Variants in PTPRD observed in about 807,000 individuals in gnomAD.
The protein encoded by PTPRD is protein tyrosine phosphatase receptor type D.
Under a neutral mutation model 214.5 loss-of-function variants are expected in PTPRD, and 34 were observed. That is an observed-to-expected ratio of 0.16 (90% CI 0.12 to 0.21). The LOEUF is 0.21. PTPRD is among the 10% of genes least tolerant of loss of function. PTPRD has a pLI of 1.00. For synonymous variants in PTPRD, 1,128 were observed against 845.7 expected (o/e 1.33, Z -5.79); for missense variants, 2,545 against 2,398.7 (o/e 1.06, Z -1.27).
At chr9:8,447,796 G>A (rs948261914) in intron 34 of PTPRD, among the ~76,000 whole-genome samples, 1 of 152,150 alleles carries the variant, frequency 6.6e-6, no homozygotes, top group Non-Finnish European at 1.5e-5. Context: ...GTTGGTTCCA[G>A]CACAAATGAC....
chr9:8,341,118 T>A lies in PTPRD; in HGVS notation c.5098A>T (p.Ile1700Phe). The A allele has an allele frequency of 6.2e-7, 1 of 1,611,794 alleles. No individual in the cohort carries two copies. Among genetic ancestry groups the A allele is most frequent in the Non-Finnish European group, 8.5e-7 (1 of 1,178,834 alleles). ...TATCCATCAATAAAACTGGCATTGATGTAATCAGATCCTTCTACTCCACGG... is the reference window on the plus strand; with the variant it reads ...TATCCATCAATAAAACTGGCATTGAAGTAATCAGATCCTTCTACTCCACGG... ...PIRGVEGSDY[I>F]NASFIDGYRQ... Residue 1700 changes from isoleucine to phenylalanine, a missense_variant, in exon 41 of 46, where the codon ATC becomes TTC. Ile to Phe is a conservative substitution (Grantham distance 21). Coordinates refer to ENST00000381196, the MANE Select transcript of PTPRD (RefSeq NM_002839.4).
In PTPRD at chr9:10,157,078, T is replaced by C. The variant is rs142635719; in HGVS notation, c.-544-123288A>G. Among the ~76,000 whole-genome samples, 14 of 152,332 alleles carry C rather than the reference T, an allele frequency of 9.2e-5. No individual in the cohort carries two copies. In the East Asian group the frequency reaches 2.5e-3, roughly 27 times the overall value. The stretch of plus-strand genomic sequence containing the variant: ...AGAATACCATTGCATCTTGGTTCTA[T>C]ACCCAGTTTGTCACTCTGTGCCTTT... On this transcript the variant is annotated intron_variant, in intron 3 of 45. Transcript: ENST00000381196.
intron 33 of PTPRD, among the ~76,000 whole-genome samples, chr9:8,458,570 T>C (rs1265212340): frequency 2.6e-5 from 4 of 152,098 alleles, no homozygotes; most frequent in Non-Finnish European, 4.4e-5. Context: ...CAATTAGAAT[T>C]ATACCACTGC....
At chr9:10,544,009 A>G (rs146778549) in intron 2 of PTPRD, among the ~76,000 whole-genome samples, 3 of 152,244 alleles carry the variant, frequency 2.0e-5, no homozygotes, top group African/African-American at 7.2e-5. Flanking sequence ...TCTGACCACT[A>G]TTTCAACATT....
chr9:9,011,260 G>T (rs1038928421), intron 11 of PTPRD, among the ~76,000 whole-genome samples: 1 of 152,004 alleles, frequency 6.6e-6, no homozygotes, highest in African/African-American at 2.4e-5. Flanking sequence ...TCTCTTTTTT[G>T]GGGGAAATAG....
intron 7 of PTPRD, among the ~76,000 whole-genome samples, chr9:9,726,461 C>T (rs867391066): frequency 1.0e-5 from 1 of 98,558 alleles, no homozygotes. Context: ...TTAAAGCCTG[C>T]CTAACAGCCC....
At chr9:9,408,423 G>A (rs2074288585) in intron 8 of PTPRD, among the ~76,000 whole-genome samples, 1 of 151,746 alleles carries the variant, frequency 6.6e-6, no homozygotes, top group Non-Finnish European at 1.5e-5. Flanking sequence ...TATGTGCCAT[G>A]TTTACAAATG....
At chr9:8,709,288 G>A (rs1471746370) in intron 12 of PTPRD, among the ~76,000 whole-genome samples, 1 of 152,056 alleles carries the variant, frequency 6.6e-6, no homozygotes. Flanking sequence ...GCTGAGGTGG[G>A]CGGATCACGA....
chr9:10,313,435 C>T (rs1046895179), intron 3 of PTPRD, among the ~76,000 whole-genome samples: 4 of 139,956 alleles, frequency 2.9e-5, no homozygotes, highest in African/African-American at 1.1e-4. Flanking sequence ...TAAAAAGTCC[C>T]TAATACTCCT....
intron 35 of PTPRD, among the ~76,000 whole-genome samples, chr9:8,428,602 C>T (rs896792873): frequency 1.3e-5 from 2 of 152,146 alleles, no homozygotes; most frequent in African/African-American, 4.8e-5. Flanking sequence ...TCCACCACTT[C>T]CTTCCTTCAA....
chr9:9,304,353 G>A (rs956942233), intron 9 of PTPRD, among the ~76,000 whole-genome samples: 1 of 152,102 alleles, frequency 6.6e-6, no homozygotes, highest in Non-Finnish European at 1.5e-5. Flanking sequence ...TGACATTTGA[G>A]CAAAGACTTA....
chr9:8,833,711 T>TACACACACAC (rs1234155614), intron 11 of PTPRD, among the ~76,000 whole-genome samples: 17 of 137,568 alleles, frequency 1.2e-4, no homozygotes, highest in East Asian at 4.4e-4. Context: ...TATATATATA[T>TACACACACAC]ATATACACAC....
At chr9:10,353,933 CAATT>C (rs1306089244) in intron 2 of PTPRD, among the ~76,000 whole-genome samples, 3 of 151,810 alleles carry the variant, frequency 2.0e-5, no homozygotes, top group Admixed American at 2.0e-4. Flanking sequence ...ATAAAAAAAT[CAATT>C]GAGTAAATTT....
In PTPRD at chr9:10,190,414, A is replaced by C. The variant is rs1442942057; in HGVS notation, c.-545+150549T>G. On this transcript the variant is annotated intron_variant, in intron 3 of 45. Transcript: ENST00000381196. ...AAAAAAAAAAAAAAAAAAAAAAAAAAAAAAAACAAAAAGTCAAAGTGGGCC... is the reference window on the plus strand; with the variant it reads ...AAAAAAAAAAAAAAAAAAAAAAAAACAAAAAACAAAAAGTCAAAGTGGGCC... Among the ~76,000 whole-genome samples, 660 of 76,834 alleles carry C rather than the reference A, an allele frequency of 8.6e-3. 18 individuals carry two copies. The highest frequency in any genetic ancestry group is 0.056 in the African/African-American group (608 of 10,866). 50.4% of individuals were successfully genotyped at this position (76,834 alleles called of 152,430 possible).
chr9:10,158,091 C>T (rs2099104924), intron 3 of PTPRD, among the ~76,000 whole-genome samples: 1 of 152,102 alleles, frequency 6.6e-6, no homozygotes, highest in Admixed American at 6.6e-5. Flanking sequence ...TCACTACAAC[C>T]TCCTCCTCCT....
At chr9:9,869,068 C>T (rs1174854308) in intron 5 of PTPRD, among the ~76,000 whole-genome samples, 6 of 152,136 alleles carry the variant, frequency 3.9e-5, no homozygotes, top group Admixed American at 3.9e-4. Flanking sequence ...ACCAATACAT[C>T]AACTACTTAC....
intron 4 of PTPRD, among the ~76,000 whole-genome samples, chr9:10,007,014 C>G (rs1267882783): frequency 6.6e-6 from 1 of 151,890 alleles, no homozygotes; most frequent in East Asian, 1.9e-4. Context: ...CCATGATATA[C>G]CAACTCTCTT....
chr9:9,185,393 G>A (rs540384960), intron 9 of PTPRD, among the ~76,000 whole-genome samples: 1 of 151,940 alleles, frequency 6.6e-6, no homozygotes, highest in African/African-American at 2.4e-5. Flanking sequence ...TTCCTTTTAG[G>A]CAACCAACCA....
intron 4 of PTPRD, among the ~76,000 whole-genome samples, chr9:9,973,832 T>C (rs563108013): frequency 6.6e-6 from 1 of 152,300 alleles, no homozygotes; most frequent in African/African-American, 2.4e-5. Flanking sequence ...AATCATCTTA[T>C]TTTTAGAAAT....
Sources: allele counts gnomAD v4.1 joint callset (sites outside exome capture counted in the v4.1 genomes callset), GRCh38; gene constraint gnomAD v4.1.1; transcripts MANE v1.5; gene names NCBI Gene and HGNC (gene_info 2026-07-23, HGNC 2026-07-21).